The following UNC13C variants were observed in gnomAD, a reference collection of about 807,000 sequenced individuals.
UNC13C encodes the protein protein unc-13 homolog C.
Under a neutral mutation model 245.4 loss-of-function variants are expected in UNC13C, and 174 were observed. The ratio of observed to expected loss-of-function variants is 0.71; its 90% CI spans 0.63 to 0.80. The LOEUF is 0.80. UNC13C is among the 30% of genes least tolerant of loss of function. The probability of loss-of-function intolerance (pLI) is 0.00; values close to 1 mark genes in which losing one functional copy is unlikely to be tolerated. For synonymous variants in UNC13C, 992 were observed against 895.1 expected, an observed-to-expected ratio of 1.11 and a Z score of -1.93; for missense variants, 2,829 against 2,602.9, an observed-to-expected ratio of 1.09 and a Z score of -1.89.
intron 30 of UNC13C, among the ~76,000 whole-genome samples, chr15:54,582,304 G>A (rs1054250769): frequency 3.9e-5 from 6 of 151,992 alleles, no homozygotes; most frequent in Non-Finnish European, 8.8e-5. Flanking sequence ...ACTGACGAAA[G>A]TGTGGAAGCT....
At chr15:53,865,399 C>G in the UNC13C span, among the ~76,000 whole-genome samples, 1 of 152,206 alleles carries the variant, frequency 6.6e-6, no homozygotes, top group Admixed American at 6.5e-5. Flanking sequence ...TGAGGCCTCT[C>G]TCCCTGGCTT....
intron 2 of UNC13C, among the ~76,000 whole-genome samples, chr15:54,105,654 C>CT (rs11387034): frequency 0.88 from 133,977 of 151,980 alleles, 60,171 homozygotes; most frequent in Non-Finnish European, 0.96. Context: ...ATTTCTACTA[C>CT]GGTGATGAAA....
chr15:53,966,497 G>T, the UNC13C span, among the ~76,000 whole-genome samples: 1 of 152,208 alleles, frequency 6.6e-6, no homozygotes, highest in African/African-American at 2.4e-5. Flanking sequence ...ATCCTTGAAG[G>T]TGAGTTTGTT....
chr15:54,006,511 C>T lies in UNC13C; in HGVS notation c.-256-6137C>T, dbSNP rs144544765. On this transcript the variant is annotated intron_variant, in intron 1 of 32. Transcript: ENST00000260323. ...AGTAAGGCAAAAAACTAACAGTTCCCCCAAACATTATTTAATGTGTTACTG... is the reference window on the plus strand; with the variant it reads ...AGTAAGGCAAAAAACTAACAGTTCCTCCAAACATTATTTAATGTGTTACTG... Among the ~76,000 whole-genome samples, 653 of 152,048 alleles carry T rather than the reference C, an allele frequency of 4.3e-3. 3 individuals are homozygous for T. Among genetic ancestry groups the T allele is most frequent in the Non-Finnish European group, 6.5e-3 (443 of 67,978 alleles).
chr15:54,377,183 A>T (rs576207548), intron 17 of UNC13C, among the ~76,000 whole-genome samples: 1 of 152,348 alleles, frequency 6.6e-6, no homozygotes, highest in African/African-American at 2.4e-5. Flanking sequence ...TCCTCACAGC[A>T]TAATGGCTGT....
At chr15:54,116,028 A>C (rs539674664) in intron 2 of UNC13C, among the ~76,000 whole-genome samples, 12 of 152,280 alleles carry the variant, frequency 7.9e-5, no homozygotes, top group African/African-American at 2.9e-4. Flanking sequence ...ATACATATAA[A>C]ATTTACCATC....
chr15:53,933,397 CCACACAAATATAAGATG>C, the UNC13C span, among the ~76,000 whole-genome samples: 1 of 151,962 alleles, frequency 6.6e-6, no homozygotes, highest in Non-Finnish European at 1.5e-5. Flanking sequence ...ACATGTATTA[CCACACAAATATAAGATG>C]CACACAAATC....
intron 18 of UNC13C, among the ~76,000 whole-genome samples, chr15:54,406,657 T>C (rs1011819339): frequency 1.3e-5 from 2 of 152,206 alleles, no homozygotes; most frequent in Non-Finnish European, 2.9e-5. Context: ...CAGTTAAACC[T>C]TGTGTCACGA....
At chr15:54,631,044 C>T (rs574292508), downstream of UNC13C, 1 of 152,086 alleles carries the variant, frequency 6.6e-6, no homozygotes, top group Non-Finnish European at 1.5e-5. Flanking sequence ...GCTTAGTTGT[C>T]TATTTTAAAA....
intron 14 of UNC13C, among the ~76,000 whole-genome samples, chr15:54,327,253 G>T (rs991165036): frequency 6.6e-6 from 1 of 151,876 alleles, no homozygotes; most frequent in Non-Finnish European, 1.5e-5. Context: ...GTATATACAT[G>T]CTCAATATAT....
intron 10 of UNC13C, among the ~76,000 whole-genome samples, chr15:54,283,313 A>G (rs1273956425): frequency 1.3e-5 from 2 of 152,178 alleles, no homozygotes; most frequent in East Asian, 3.9e-4. Flanking sequence ...ATCCAATCAT[A>G]TATATACACA....
chr15:53,903,738 G>A, the UNC13C span, among the ~76,000 whole-genome samples: 20 of 152,154 alleles, frequency 1.3e-4, no homozygotes, highest in African/African-American at 2.7e-4. Context: ...ATTGGAGGTC[G>A]AAGGGCTGTG....
rs140827465 is a variant in UNC13C at position 54,532,710 on chromosome 15, A to T, written c.5547-207A>T. Among the ~76,000 whole-genome samples the T allele has an allele frequency of 5.9e-3, 904 of 152,322 alleles. 3 individuals are homozygous for T. Among genetic ancestry groups the T allele is most frequent in the African/African-American group, 0.021 (855 of 41,566 alleles). On this transcript the variant is annotated intron_variant, in intron 25 of 32. Coordinates refer to ENST00000260323, the MANE Select transcript of UNC13C (RefSeq NM_001080534.3). ...CCACTCAAATTAATTCAACCTGAAG[A>T]ACAGCACTTTTATCTGCCTTACTTA...
intron 4 of UNC13C, among the ~76,000 whole-genome samples, chr15:54,175,340 G>A (rs1051453775): frequency 3.3e-5 from 5 of 152,008 alleles, no homozygotes; most frequent in Non-Finnish European, 5.9e-5. Flanking sequence ...AGCACAAGAG[G>A]AGCAGAAGCC....
intron 3 of UNC13C, among the ~76,000 whole-genome samples, 200 bp from the exon 4 acceptor site, chr15:54,143,420 G>T (rs998633458): frequency 6.6e-6 from 1 of 152,048 alleles, no homozygotes; most frequent in Non-Finnish European, 1.5e-5. Context: ...CAGTGCATTT[G>T]TTTAAATGCT....
rs192947135 is a variant in UNC13C, at chr15:54,190,735, T to C, written c.3072-44295T>C. On this transcript the variant is annotated intron_variant, in intron 4 of 32. Transcript: ENST00000260323. ...TGTGTCCCATTTAGTAATTTTGTTT[T>C]AGGTGTGTATTTATATATAATAGAT... Among the ~76,000 whole-genome samples the C allele has an allele frequency of 2.8e-4, 42 of 152,168 alleles. No homozygotes were observed. In the East Asian group the frequency reaches 8.1e-3, roughly 29 times the overall value.
At chr15:53,879,421 C>T in the UNC13C span, among the ~76,000 whole-genome samples, 1 of 152,122 alleles carries the variant, frequency 6.6e-6, no homozygotes, top group East Asian at 1.9e-4. Flanking sequence ...CCTTGGCTTC[C>T]CAAAATGCTA....
chr15:54,348,167 G>A (rs190068296), intron 17 of UNC13C, among the ~76,000 whole-genome samples: 18 of 152,140 alleles, frequency 1.2e-4, no homozygotes, highest in Middle Eastern at 3.4e-3. Context: ...CATCAATTCC[G>A]ATTTTTCACA....
chr15:54,058,072 A>G lies in UNC13C; in HGVS notation c.2983+42186A>G, dbSNP rs550351543. Among the ~76,000 whole-genome samples the G allele has an allele frequency of 2.6e-5, 4 of 152,228 alleles. No homozygotes were observed. The East Asian group carries it at 7.7e-4, about 29-fold the overall frequency. ...AAGAAGTAGAGAACCAAGAGCAAAC[A>G]CATTCAAAAGCTAGCAGAAGGCAAG... On this transcript the variant is annotated intron_variant, in intron 2 of 32. Coordinates refer to ENST00000260323, the MANE Select transcript of UNC13C (RefSeq NM_001080534.3).
Sources: allele counts gnomAD v4.1 joint callset (sites outside exome capture counted in the v4.1 genomes callset), GRCh38; gene constraint gnomAD v4.1.1; transcripts MANE v1.5; gene names NCBI Gene and HGNC (gene_info 2026-07-23, HGNC 2026-07-21).